Variants in CSMD1 observed in about 807,000 individuals in gnomAD.
CSMD1 encodes the protein CUB and sushi domain-containing protein 1.
CSMD1 carries 213 observed loss-of-function variants against 417.5 expected under a neutral mutation model. That is an observed-to-expected ratio of 0.51 (90% confidence interval 0.46 to 0.57). The LOEUF (loss-of-function observed/expected upper bound fraction) is 0.57. Ranked by LOEUF, CSMD1 falls within the 20% of genes least tolerant of loss-of-function variation. The probability of loss-of-function intolerance (pLI) is 0.00; values close to 1 mark genes in which losing one functional copy is unlikely to be tolerated. For synonymous variants in CSMD1, 2,862 were observed against 1,736.8 expected, an observed-to-expected ratio of 1.65 and a Z score of -16.11; for missense variants, 6,923 against 4,529.7, an observed-to-expected ratio of 1.53 and a Z score of -15.17.
rs190765858 is a variant in CSMD1, at chr8:4,315,983, C to G, written c.415+103970G>C. Among the ~76,000 whole-genome samples the G allele has an allele frequency of 7.2e-5, 11 of 152,180 alleles. 1 individual carries two copies. The highest frequency in any genetic ancestry group is 6.6e-4 in the Admixed American group (10 of 15,264). ...GAACGGGAAATTTTGTGAATGTCAT[C>G]TTTTATTCTTTTTTCTTTCCTTTAA... On this transcript the variant is annotated intron_variant, in intron 3 of 69. Transcript: ENST00000635120.
intron 1 of CSMD1, among the ~76,000 whole-genome samples, chr8:4,674,025 A>T (rs1013731363): frequency 1.3e-5 from 2 of 152,196 alleles, no homozygotes; most frequent in African/African-American, 4.8e-5. Flanking sequence ...ACGGTATGAG[A>T]AGTATATCTC....
At chr8:4,427,737 A>T (rs1797645023) in intron 2 of CSMD1, among the ~76,000 whole-genome samples, 1 of 151,160 alleles carries the variant, frequency 6.6e-6, no homozygotes, top group Non-Finnish European at 1.5e-5. Flanking sequence ...GAAACTATTA[A>T]TATAAAGTAT....
intron 2 of CSMD1, among the ~76,000 whole-genome samples, chr8:4,624,742 T>C (rs1801997342): frequency 6.6e-6 from 1 of 152,124 alleles, no homozygotes; most frequent in South Asian, 2.1e-4. Flanking sequence ...GTTTCGCTGA[T>C]TCACACTCTC....
At chr8:4,684,031 T>C (rs891657855) in intron 1 of CSMD1, among the ~76,000 whole-genome samples, 2 of 152,220 alleles carry the variant, frequency 1.3e-5, no homozygotes. Flanking sequence ...TGTACATCAG[T>C]ATGATGGCAT....
intron 7 of CSMD1, among the ~76,000 whole-genome samples, chr8:3,689,044 G>C (rs1485155405): frequency 2.6e-5 from 4 of 152,120 alleles, no homozygotes; most frequent in Non-Finnish European, 5.9e-5. Context: ...GAATCTAAGG[G>C]TCATCTAAGT....
intron 5 of CSMD1, among the ~76,000 whole-genome samples, chr8:3,919,844 A>G (rs1426434438): frequency 6.6e-6 from 1 of 151,932 alleles, no homozygotes; most frequent in Non-Finnish European, 1.5e-5. Context: ...CAGATCATTC[A>G]CCTCCTTGGT....
chr8:4,978,266 C>T (rs941670499), intron 1 of CSMD1, among the ~76,000 whole-genome samples: 1 of 152,074 alleles, frequency 6.6e-6, no homozygotes, highest in Non-Finnish European at 1.5e-5. Flanking sequence ...GGGGGACAGG[C>T]AGGTGGAGGT....
Position 3,838,796 on chromosome 8 carries a change from A to G in CSMD1, c.819-84754T>C, listed in dbSNP as rs1217721577. Among the ~76,000 whole-genome samples, 2 of 110,790 alleles carry G rather than the reference A, an allele frequency of 1.8e-5. 1 individual carries two copies. The highest frequency in any genetic ancestry group is 3.3e-5 in the Non-Finnish European group (2 of 60,058). 72.7% of individuals were successfully genotyped at this position (110,790 alleles called of 152,430 possible). A position where few individuals can be genotyped will look rare whatever the true frequency, so the allele number is the denominator to read the frequency against. Reference sequence around the variant, plus strand: ...ATATAATAAATTGATATTATATAGTATAATATATAATAATTATATATACTA... The same window carrying G: ...ATATAATAAATTGATATTATATAGTGTAATATATAATAATTATATATACTA... On this transcript the variant is annotated intron_variant, in intron 5 of 69. Transcript: ENST00000635120.
intron 26 of CSMD1, among the ~76,000 whole-genome samples, chr8:3,280,984 A>G (rs1802692859): frequency 6.6e-6 from 1 of 152,186 alleles, no homozygotes; most frequent in South Asian, 2.1e-4. Flanking sequence ...CAGGAGTAAA[A>G]TGAAGTACAT....
rs187203543 is a variant in CSMD1 at position 4,074,372 on chromosome 8, T to C, written c.416-42273A>G. ...AATGTAGTATTTAGTCCATAAATGA[T>C]AGCAGTATTTTCAATGTCTATCTCA... is the stretch of plus-strand genomic sequence containing the variant. On this transcript the variant is annotated intron_variant, in intron 3 of 69. Transcript: ENST00000635120. Among the ~76,000 whole-genome samples, 784 of 152,270 alleles carry C rather than the reference T, an allele frequency of 5.1e-3. 6 individuals carry two copies. The highest frequency in any genetic ancestry group is 8.4e-3 in the Non-Finnish European group (570 of 67,966).
At chr8:4,974,588 T>G (rs1180380204) in intron 1 of CSMD1, among the ~76,000 whole-genome samples, 1 of 152,140 alleles carries the variant, frequency 6.6e-6, no homozygotes, top group East Asian at 1.9e-4. Context: ...GTTTTATGTA[T>G]AACAAACATC....
chr8:3,608,701 C>T (rs1384532006), intron 8 of CSMD1, among the ~76,000 whole-genome samples: 2 of 150,018 alleles, frequency 1.3e-5, no homozygotes, highest in African/African-American at 2.5e-5. Context: ...GAGGTGGAGG[C>T]TGCAGTAAGC....
Position 3,348,334 on chromosome 8 carries a change from C to G in CSMD1, c.3305-173G>C, listed in dbSNP as rs78565892. Among the ~76,000 whole-genome samples, 747 of 151,918 alleles carry G rather than the reference C, an allele frequency of 4.9e-3. 5 individuals are homozygous for G. Among genetic ancestry groups the G allele is most frequent in the Non-Finnish European group, 7.2e-3 (487 of 67,952 alleles). On this transcript the variant is annotated intron_variant, in intron 21 of 69. Coordinates refer to ENST00000635120, the MANE Select transcript of CSMD1 (RefSeq NM_033225.6). ...TTTTTTATTGTTTGACCAACTGGAC[C>G]AAAAAAGATACCCCACCTAGCTCAT...
chr8:3,654,571 G>C (rs1423202362), intron 7 of CSMD1, among the ~76,000 whole-genome samples: 3 of 152,146 alleles, frequency 2.0e-5, no homozygotes, highest in Non-Finnish European at 4.4e-5. Flanking sequence ...TTTAGGAGAA[G>C]AAAAAATTGT....
chr8:4,992,502 C>G (rs1032782411), intron 1 of CSMD1, among the ~76,000 whole-genome samples: 1 of 152,138 alleles, frequency 6.6e-6, no homozygotes, highest in Non-Finnish European at 1.5e-5. Flanking sequence ...GGAAGTTTTG[C>G]GGAGTTGCGT....
intron 3 of CSMD1, among the ~76,000 whole-genome samples, chr8:4,362,244 T>C (rs1801810079): frequency 1.3e-5 from 2 of 152,142 alleles, no homozygotes; most frequent in Admixed American, 6.5e-5. Flanking sequence ...ACTTGTTTTT[T>C]CCATGAGAGG....
chr8:4,199,924 C>T (rs1484552270), intron 3 of CSMD1, among the ~76,000 whole-genome samples: 1 of 151,900 alleles, frequency 6.6e-6, no homozygotes, highest in South Asian at 2.1e-4. Context: ...TGGTGAAGTA[C>T]GGTTACAAGG....
chr8:3,251,862 C>G lies in CSMD1; in HGVS notation c.4154-21631G>C, dbSNP rs970546719. Among the ~76,000 whole-genome samples the G allele has an allele frequency of 1.3e-4, 20 of 152,158 alleles. No individual in the cohort carries two copies. The South Asian group carries it at 1.7e-3, about 13-fold the overall frequency. On this transcript the variant is annotated intron_variant, in intron 26 of 69. Transcript: ENST00000635120. ...CAGTTCACTCATGATTTGGCTCTTT[C>G]TTTGTCTGTTGTTGGTGTATAAGAA... is the stretch of plus-strand genomic sequence containing the variant.
At chr8:4,140,831 C>G (rs1413598678) in intron 3 of CSMD1, among the ~76,000 whole-genome samples, 5 of 150,926 alleles carry the variant, frequency 3.3e-5, no homozygotes, top group African/African-American at 5.0e-5. Context: ...CACCCTCACT[C>G]CAGGTTTCAA....
Sources: allele counts gnomAD v4.1 joint callset (sites outside exome capture counted in the v4.1 genomes callset), GRCh38; gene constraint gnomAD v4.1.1; transcripts MANE v1.5; gene names NCBI Gene and HGNC (gene_info 2026-07-23, HGNC 2026-07-21).